TBL1XR1: variants seen among roughly 807,000 people sequenced by gnomAD.
TBL1XR1 encodes TBL1X/Y related 1.
In TBL1XR1, 5 loss-of-function variants were observed where a neutral mutation model predicts 66.9. The ratio of observed to expected loss-of-function variants is 0.07; its 90% CI spans 0.04 to 0.16. The LOEUF (loss-of-function observed/expected upper bound fraction) is 0.16. Among genes scored for constraint, TBL1XR1 ranks in the 10% least tolerant of loss-of-function variants. TBL1XR1 has a pLI of 1.00. For synonymous variants in TBL1XR1, 210 were observed against 206.0 expected (o/e 1.02, Z -0.17); for missense variants, 238 against 623.2 (o/e 0.38, Z 6.58).
intron 7 of TBL1XR1, among the ~76,000 whole-genome samples, chr3:177,049,287 T>C (rs1226072237): frequency 3.3e-5 from 5 of 152,198 alleles, no homozygotes; most frequent in African/African-American, 1.2e-4. Flanking sequence ...CTTGATATTC[T>C]TTGCAATGCT....
At chr3:177,198,589 C>T (rs571068691), upstream of TBL1XR1, among the ~76,000 whole-genome samples, 5 of 152,224 alleles carry the variant, frequency 3.3e-5, no homozygotes, top group South Asian at 8.3e-4. Flanking sequence ...GGGTGGTAAT[C>T]TTTCTAAGAC....
intron 2 of TBL1XR1, among the ~76,000 whole-genome samples, chr3:177,092,617 A>G (rs755404065): frequency 8.5e-5 from 13 of 152,276 alleles, no homozygotes; most frequent in Non-Finnish European, 1.2e-4. Context: ...GGCACTAGCA[A>G]ACAAACAGCA....
intron 1 of TBL1XR1, among the ~76,000 whole-genome samples, chr3:177,144,750 C>T (rs1345476250): frequency 6.7e-6 from 1 of 150,244 alleles, no homozygotes; most frequent in Non-Finnish European, 1.5e-5. Flanking sequence ...GAGACTCCGT[C>T]CCAAAAAAAA....
At chr3:177,123,088 A>G (rs1447722682) in intron 1 of TBL1XR1, among the ~76,000 whole-genome samples, 1 of 152,148 alleles carries the variant, frequency 6.6e-6, no homozygotes, top group African/African-American at 2.4e-5. Flanking sequence ...GCTAACTCCT[A>G]TAAGAAATCT....
intron 1 of TBL1XR1, among the ~76,000 whole-genome samples, chr3:177,160,196 G>A (rs1006041703): frequency 1.3e-5 from 2 of 152,100 alleles, no homozygotes; most frequent in Admixed American, 6.6e-5. Flanking sequence ...TATCTGGTAG[G>A]GCGCAGTGGC....
rs57194896 is a variant in TBL1XR1 at position 177,165,991 on chromosome 3, G to A, written c.-122+31130C>T. Among the ~76,000 whole-genome samples the A allele has an allele frequency of 3.7e-3, 563 of 152,296 alleles. 2 individuals carry two copies. The highest frequency in any genetic ancestry group is 0.013 in the African/African-American group (530 of 41,550). ...TGTAGACCCACCTACTCAGGAGGCT[G>A]AGGTGGGAGGATTGCTTGAGCCTGG... is the stretch of plus-strand genomic sequence containing the variant. On this transcript the variant is annotated intron_variant, in intron 1 of 15. Coordinates refer to ENST00000457928, the MANE Select transcript of TBL1XR1 (RefSeq NM_024665.7).
chr3:177,166,156 G>A (rs1291347759), intron 1 of TBL1XR1, among the ~76,000 whole-genome samples: 1 of 152,180 alleles, frequency 6.6e-6, no homozygotes, highest in Non-Finnish European at 1.5e-5. Flanking sequence ...GGAGGCCAAG[G>A]CAGGTGGATT....
intron 1 of TBL1XR1, chr3:177,131,265 A>G (rs1304266202): frequency 1.0e-5 from 9 of 897,214 alleles, no homozygotes; most frequent in Non-Finnish European, 1.2e-5. Context: ...AACACACACA[A>G]AAAAAGTCAA....
rs545594840 is a variant in TBL1XR1, at chr3:177,108,345, T to C, written c.-121-9804A>G. ...AAATTATAAGTATTAAACTTCAACA[T>C]TCCTCTGCCATCTTTAGAAACTTAA... On this transcript the variant is annotated intron_variant, in intron 1 of 15. Coordinates refer to ENST00000457928, the MANE Select transcript of TBL1XR1 (RefSeq NM_024665.7). 5.9e-5 allele frequency among the ~76,000 whole-genome samples: 9 copies of C among 152,268 alleles called. No homozygotes were observed. The South Asian group carries it at 8.3e-4, about 14-fold the overall frequency.
intron 2 of TBL1XR1, among the ~76,000 whole-genome samples, chr3:177,086,178 G>T (rs939011491): frequency 6.7e-6 from 1 of 150,082 alleles, no homozygotes; most frequent in Non-Finnish European, 1.5e-5. Flanking sequence ...AAAGAAACAG[G>T]CAGAATTTAT....
At chr3:177,078,207 A>G (rs1404716922) in intron 2 of TBL1XR1, among the ~76,000 whole-genome samples, 1 of 152,218 alleles carries the variant, frequency 6.6e-6, no homozygotes. Flanking sequence ...ACAAATCAGC[A>G]GCCTGTATCT....
chr3:177,105,395 C>G (rs994772014), intron 1 of TBL1XR1, among the ~76,000 whole-genome samples: 1 of 151,980 alleles, frequency 6.6e-6, no homozygotes, highest in Admixed American at 6.6e-5. Context: ...CAACGAAGAT[C>G]TAAGAAATAA....
chr3:177,197,563 C>CGCGGCGGCGGCG (rs550182398), upstream of TBL1XR1, among the ~76,000 whole-genome samples: 720 of 144,360 alleles, frequency 5.0e-3, no homozygotes, highest in Non-Finnish European at 7.5e-3. Flanking sequence ...TCGCGAGGCC[C>CGCGGCGGCGGCG]GCGGCGGCGG....
chr3:177,044,182 A>G (rs1358256275), intron 10 of TBL1XR1, among the ~76,000 whole-genome samples: 2 of 152,180 alleles, frequency 1.3e-5, no homozygotes, highest in South Asian at 2.1e-4. Flanking sequence ...ATGTTGTTTA[A>G]TAACATAACT....
At chr3:177,067,132 G>T (rs565430304) in intron 2 of TBL1XR1, among the ~76,000 whole-genome samples, 64 of 152,240 alleles carry the variant, frequency 4.2e-4, no homozygotes, top group South Asian at 1.9e-3. Flanking sequence ...ACACATAGCA[G>T]GCACAGTCAA....
chr3:177,162,201 T>C (rs1024137875), intron 1 of TBL1XR1, among the ~76,000 whole-genome samples: 11 of 152,292 alleles, frequency 7.2e-5, no homozygotes, highest in Admixed American at 5.2e-4. Context: ...AAGAGTAAAA[T>C]AGATAGTAGT....
intron 1 of TBL1XR1, among the ~76,000 whole-genome samples, chr3:177,141,478 A>C (rs572346319): frequency 1.7e-3 from 254 of 152,364 alleles, no homozygotes; most frequent in African/African-American, 5.6e-3. Flanking sequence ...AGTGTTATTA[A>C]ACTACATATA....
chr3:177,037,012 G>T (rs535837856), intron 12 of TBL1XR1, among the ~76,000 whole-genome samples: 6 of 152,254 alleles, frequency 3.9e-5, no homozygotes, highest in Admixed American at 3.9e-4. Context: ...GTGCTTAGGT[G>T]CGAGACAGCA....
At chr3:177,199,543 G>A (rs753771875), upstream of TBL1XR1, among the ~76,000 whole-genome samples, 2 of 151,956 alleles carry the variant, frequency 1.3e-5, no homozygotes, top group African/African-American at 2.4e-5. Context: ...TCTCCATACA[G>A]CAGTGACTGT....
Sources: gnomAD v4.1 joint callset for allele counts (sites outside exome capture counted in the v4.1 genomes callset) on GRCh38, gnomAD v4.1.1 for gene constraint, MANE v1.5 for transcripts, NCBI Gene and HGNC (gene_info 2026-07-23, HGNC 2026-07-21) for gene names.